The following KCND2 variants were observed in gnomAD, a reference collection of about 807,000 sequenced individuals.
The protein encoded by KCND2 is A-type voltage-gated potassium channel KCND2.
A neutral mutation model predicts 54.4 loss-of-function variants in KCND2; 16 were observed. The observed-to-expected ratio is 0.29, with a 90% CI of 0.20 to 0.45. The LOEUF is 0.45. Among genes scored for constraint, KCND2 ranks in the 20% least tolerant of loss-of-function variants. The pLI is 1.00. For missense variants in KCND2, 486 were observed against 824.2 expected, an observed-to-expected ratio of 0.59 and a Z score of 5.02; for synonymous variants, 317 against 310.7, an observed-to-expected ratio of 1.02 and a Z score of -0.21.
At chr7:120,551,485 C>T (rs1416671381) in intron 1 of KCND2, among the ~76,000 whole-genome samples, 3 of 152,058 alleles carry the variant, frequency 2.0e-5, no homozygotes, top group Admixed American at 6.6e-5. Flanking sequence ...GATTGCATTT[C>T]CACCTGGTAG....
intron 1 of KCND2, among the ~76,000 whole-genome samples, chr7:120,491,383 G>A (rs1215806685): frequency 6.6e-6 from 1 of 152,024 alleles, no homozygotes; most frequent in Admixed American, 6.6e-5. Flanking sequence ...ATGATTATAG[G>A]AATTATAATA....
intron 1 of KCND2, among the ~76,000 whole-genome samples, chr7:120,655,292 A>G (rs1791787691): frequency 6.6e-6 from 1 of 152,092 alleles, no homozygotes; most frequent in South Asian, 2.1e-4. Flanking sequence ...GATAGCATAA[A>G]TGAGGCATAA....
intron 1 of KCND2, among the ~76,000 whole-genome samples, chr7:120,323,998 G>A (rs1242704241): frequency 1.4e-5 from 2 of 142,354 alleles, no homozygotes; most frequent in African/African-American, 2.7e-5. Context: ...ATTCTAACTG[G>A]TGTGAGATGG....
chr7:120,548,646 T>C (rs1007673544), intron 1 of KCND2, among the ~76,000 whole-genome samples: 2 of 152,136 alleles, frequency 1.3e-5, no homozygotes, highest in Admixed American at 6.5e-5. Context: ...TTCATATTTG[T>C]CAAATGAATG....
rs1301599590 is a variant in KCND2 at position 120,273,420 on chromosome 7, AGCCCCGCC to A, written c.-1205_-1198del. On this transcript the variant is annotated 5_prime_UTR_variant, in exon 1 of 6. The change abolishes the stop of an existing upstream ORF in the 5' untranslated region. Coordinates refer to ENST00000331113, the MANE Select transcript of KCND2 (RefSeq NM_012281.3). ...AACGCCGCCCGCCCGGCCGCCCCGCAGCCCCGCCGCCCCGCAGCCCCGCACCGCGCTGG... is the reference window on the plus strand; with the variant it reads ...AACGCCGCCCGCCCGGCCGCCCCGCAGCCCCGCAGCCCCGCACCGCGCTGG... Among the ~76,000 whole-genome samples the A allele has an allele frequency of 7.1e-6, 1 of 141,118 alleles. No individual in the cohort carries two copies. Among genetic ancestry groups the A allele is most frequent in the South Asian group, 2.3e-4 (1 of 4,332 alleles). The allele number at this position is 141,118 out of a possible 152,430, so 92.6% of individuals were successfully genotyped here.
At chr7:120,505,826 T>TTTTACATACCA (rs1803007228) in intron 1 of KCND2, among the ~76,000 whole-genome samples, 1 of 151,868 alleles carries the variant, frequency 6.6e-6, no homozygotes, top group Non-Finnish European at 1.5e-5. Flanking sequence ...TTCTGTCTAA[T>TTTTACATACCA]TTTACATACC....
rs571918995 is a variant in KCND2 at position 120,668,347 on chromosome 7, G to A, written c.1116-64556G>A. Among the ~76,000 whole-genome samples, 12 of 152,092 alleles carry A rather than the reference G, an allele frequency of 7.9e-5. No individual in the cohort carries two copies. The South Asian group carries it at 1.5e-3, about 18-fold the overall frequency. On this transcript the variant is annotated intron_variant, in intron 1 of 5. Coordinates refer to ENST00000331113, the MANE Select transcript of KCND2 (RefSeq NM_012281.3). Reference sequence around the variant, plus strand: ...AAATTAAAACACATTTCACTAAGTCGTGAGCTGAGAATACCTCTTTTGCCC... The same window carrying A: ...AAATTAAAACACATTTCACTAAGTCATGAGCTGAGAATACCTCTTTTGCCC...
chr7:120,390,714 C>T (rs1214452522), intron 1 of KCND2, among the ~76,000 whole-genome samples: 4 of 151,758 alleles, frequency 2.6e-5, no homozygotes, highest in Non-Finnish European at 5.9e-5. Flanking sequence ...ATAAGTTTAT[C>T]TTTGTTCATC....
chr7:120,489,752 T>C (rs1802750105), intron 1 of KCND2, among the ~76,000 whole-genome samples: 1 of 152,172 alleles, frequency 6.6e-6, no homozygotes, highest in South Asian at 2.1e-4. Context: ...TGCCCCATCC[T>C]GAAGGTACAC....
At chr7:120,687,871 C>G (rs1409417624) in intron 1 of KCND2, among the ~76,000 whole-genome samples, 1 of 152,028 alleles carries the variant, frequency 6.6e-6, no homozygotes, top group Non-Finnish European at 1.5e-5. Flanking sequence ...AAAACAGACC[C>G]TTCTTTCAAA....
chr7:120,667,541 G>A (rs892907540), intron 1 of KCND2, among the ~76,000 whole-genome samples: 1 of 152,012 alleles, frequency 6.6e-6, no homozygotes, highest in African/African-American at 2.4e-5. Flanking sequence ...ATGCATGTAT[G>A]TCATAAGAAT....
Position 120,388,898 on chromosome 7 carries a change from A to G in KCND2, c.1115+113151A>G, listed in dbSNP as rs571955587. Among the ~76,000 whole-genome samples, 321 of 150,124 alleles carry G rather than the reference A, an allele frequency of 2.1e-3. 3 individuals are homozygous for G. The highest frequency in any genetic ancestry group is 2.7e-3 in the Non-Finnish European group (181 of 67,512). Reference sequence around the variant, plus strand: ...ATCATTTATATATACATGTATATATATATATATACACACACATACATACAT... The same window carrying G: ...ATCATTTATATATACATGTATATATGTATATATACACACACATACATACAT... On this transcript the variant is annotated intron_variant, in intron 1 of 5. Coordinates refer to ENST00000331113, the MANE Select transcript of KCND2 (RefSeq NM_012281.3).
chr7:120,310,308 T>C (rs996141103), intron 1 of KCND2, among the ~76,000 whole-genome samples: 5 of 152,324 alleles, frequency 3.3e-5, no homozygotes, highest in East Asian at 1.9e-4. Context: ...AATACAATCA[T>C]ACAACTGGTA....
intron 1 of KCND2, among the ~76,000 whole-genome samples, chr7:120,342,552 G>T (rs1800255403): frequency 6.6e-6 from 1 of 151,954 alleles, no homozygotes; most frequent in East Asian, 1.9e-4. Flanking sequence ...TCAATTTCTG[G>T]CTTTGTATTG....
At chr7:120,746,299 C>A (rs1584905101) in intron 5 of KCND2, among the ~76,000 whole-genome samples, 1 of 152,140 alleles carries the variant, frequency 6.6e-6, no homozygotes, top group African/African-American at 2.4e-5. Flanking sequence ...GTTCCACAAC[C>A]TTTTCTTATT....
At chr7:120,418,951 T>C (rs1303624023) in intron 1 of KCND2, among the ~76,000 whole-genome samples, 2 of 152,212 alleles carry the variant, frequency 1.3e-5, no homozygotes, top group African/African-American at 4.8e-5. Flanking sequence ...TTAAATAACT[T>C]GCTTGGCTAA....
At chr7:120,352,494 AC>A (rs1284142122) in intron 1 of KCND2, among the ~76,000 whole-genome samples, 14 of 144,258 alleles carry the variant, frequency 9.7e-5, no homozygotes, top group Non-Finnish European at 1.7e-4. Context: ...ACACACACAC[AC>A]ACAACATTCA....
At chr7:120,710,358 G>A (rs1025782745) in intron 1 of KCND2, among the ~76,000 whole-genome samples, 3 of 152,138 alleles carry the variant, frequency 2.0e-5, no homozygotes, top group Non-Finnish European at 2.9e-5. Flanking sequence ...TGTGCAGGGA[G>A]CAGGTAATTT....
At chr7:120,690,812 T>C (rs1412711037) in intron 1 of KCND2, among the ~76,000 whole-genome samples, 1 of 152,096 alleles carries the variant, frequency 6.6e-6, no homozygotes, top group Non-Finnish European at 1.5e-5. Context: ...TCTTACATTC[T>C]AGTGGGAGGT....
Sources: allele counts gnomAD v4.1 joint callset (sites outside exome capture counted in the v4.1 genomes callset), GRCh38; gene constraint gnomAD v4.1.1; transcripts MANE v1.5; gene names NCBI Gene and HGNC (gene_info 2026-07-23, HGNC 2026-07-21).